ARHGAP45: variants seen among roughly 807,000 people sequenced by gnomAD.
ARHGAP45 encodes the protein rho GTPase-activating protein 45.
A neutral mutation model predicts 116.1 loss-of-function variants in ARHGAP45; 56 were observed. The ratio of observed to expected loss-of-function variants is 0.48; its 90% confidence interval spans 0.39 to 0.60. The LOEUF is 0.60. ARHGAP45 is among the 20% of genes least tolerant of loss of function. The pLI is 0.00. For synonymous variants in ARHGAP45, 866 were observed against 701.7 expected, an observed-to-expected ratio of 1.23 and a Z score of -3.70; for missense variants, 1,622 against 1,601.0, an observed-to-expected ratio of 1.01 and a Z score of -0.22.
At chr19:1,081,327 C>T (rs2065896000) in intron 17 of ARHGAP45, 1 of 640,078 alleles carries the variant, frequency 1.6e-6, no homozygotes, top group African/African-American at 1.8e-5. Flanking sequence ...AGGGCAAAGG[C>T]CCTGGAGCTG....
At position 1,086,056 on chromosome 19, in the gene ARHGAP45, T is replaced by G. The variant is rs1398881621; in HGVS notation, c.*50T>G. The G allele has an allele frequency of 3.3e-6, 5 of 1,497,766 alleles. No homozygotes were observed. The Admixed American group carries it at 6.9e-5, about 21-fold the overall frequency. The allele number at this position is 1,497,766 out of a possible 1,614,324, so 92.8% of individuals were successfully genotyped here. A position where few individuals can be genotyped will look rare whatever the true frequency, so the allele number is the denominator to read the frequency against. ...GTGGCTTCTCTCTTGCCTGCTCCTG[T>G]CCCTCCAGCACGTCCCCTGCACCAC... On this transcript the variant is annotated 3_prime_UTR_variant, in exon 23 of 23. Coordinates refer to ENST00000313093, the MANE Select transcript of ARHGAP45 (RefSeq NM_012292.5).
At chr19:1,074,546 G>GGT in intron 8 of ARHGAP45, 68 bp from the exon 9 acceptor site, 2 of 1,440,094 alleles carry the variant, frequency 1.4e-6, no homozygotes, top group Admixed American at 2.2e-5. Flanking sequence ...GGGAGCTGGT[G>GGT]GCTGGGGGTG....
intron 3 of ARHGAP45, 102 bp downstream of exon 3, chr19:1,073,394 C>A: frequency 6.4e-7 from 1 of 1,562,354 alleles, no homozygotes; most frequent in Non-Finnish European, 8.7e-7. Context: ...AGGAGTTTGA[C>A]AGGCACAAGC....
Position 1,074,649 on chromosome 19 carries a change from C to T in ARHGAP45, c.1029C>T (p.Ala343=). ...CGCTCCTGTCCATCTACTCGCTGGC[C>T]CTGGAGCAGGACCTGGAGTTCGGCC... ...HMPLLSIYSL[A]LEQDLEFGHS... Residue 343 remains alanine, a synonymous_variant, in exon 9 of 23, where the codon GCC becomes GCT. Transcript: ENST00000313093. The T allele has an allele frequency of 1.2e-6, 2 of 1,609,108 alleles. No individual in the cohort carries two copies. The highest frequency in any genetic ancestry group is 2.2e-5 in the East Asian group (1 of 44,750).
chr19:1,070,701 T>C (rs909381366), intron 2 of ARHGAP45, among the ~76,000 whole-genome samples: 1 of 151,662 alleles, frequency 6.6e-6, no homozygotes, highest in African/African-American at 2.4e-5. Context: ...CAGGCTGGTC[T>C]AGAACTCCCG....
Position 1,074,253 on chromosome 19 carries a change from T to G in ARHGAP45, c.928+12T>G, listed in dbSNP as rs11084881. On this transcript the variant is annotated intron_variant, in intron 7 of 22. Transcript: ENST00000313093. ...GCGGACGACGCTGGGTGAGAGCTGG[T>G]GTCCCAGCAGGGTGGGTCTGGAGGG... The G allele has an allele frequency of 0.77, 1,242,421 of 1,612,376 alleles. 481,006 individuals carry two copies. Among genetic ancestry groups the G allele is most frequent in the African/African-American group, 0.91 (68,651 of 75,032 alleles).
chr19:1,086,097 C>G lies in ARHGAP45; in HGVS notation c.*91C>G. 8.1e-7 allele frequency: 1 copy of G among 1,229,292 alleles called. No individual in the cohort carries two copies. The highest frequency in any genetic ancestry group is 1.1e-6 in the Non-Finnish European group (1 of 872,216). The allele number at this position is 1,229,292 out of a possible 1,614,324, so 76.1% of individuals were successfully genotyped here. A position where few individuals can be genotyped will look rare whatever the true frequency, so the allele number is the denominator to read the frequency against. On this transcript the variant is annotated 3_prime_UTR_variant, in exon 23 of 23. Coordinates refer to ENST00000313093, the MANE Select transcript of ARHGAP45 (RefSeq NM_012292.5). ...CCTGCACCACGGCATAGCTTAGGTG[C>G]GCCGTCCTGGGGTCGCTGCCGAGAG...
chr19:1,074,699 C>T lies in ARHGAP45; in HGVS notation c.1079C>T (p.Thr360Ile), dbSNP rs766911627. The change falls in exon 9 of 23, where the codon ACC (threonine) becomes ATC (isoleucine). Residue 360 changes from threonine (T) to isoleucine (I), a missense_variant. This residue lies in a region of ARHGAP45 where 1,334 missense variants were observed against 1,263.8 expected (regional missense o/e 1.06). Transcript: ENST00000313093. ...CACAGCATGGTGCAGGCGGTGGGCACCTTGCAGACCCAGACCTTCATGCAG... is the reference window on the plus strand; with the variant it reads ...CACAGCATGGTGCAGGCGGTGGGCATCTTGCAGACCCAGACCTTCATGCAG... ...FGHSMVQAVG[T>I]LQTQTFMQPL... 1.1e-5 allele frequency: 17 copies of T among 1,610,022 alleles called. No individual in the cohort carries two copies. Among genetic ancestry groups the T allele is most frequent in the African/African-American group, 1.3e-5 (1 of 74,862 alleles).
chr19:1,072,100 T>C (rs770585996), intron 2 of ARHGAP45, among the ~76,000 whole-genome samples: 3 of 152,122 alleles, frequency 2.0e-5, no homozygotes, highest in African/African-American at 7.2e-5. Context: ...TCTCACTCTG[T>C]CACCCAGCTG....
chr19:1,079,905 C>T (rs769598707), intron 12 of ARHGAP45, 23 bp from the exon 13 acceptor site: 1 of 1,600,204 alleles, frequency 6.2e-7, no homozygotes, highest in East Asian at 2.2e-5. Context: ...CCTGACCCCT[C>T]CGCTCTCCGG....
upstream of ARHGAP45, chr19:1,066,125 C>T (rs1389973915): frequency 2.6e-6 from 4 of 1,535,554 alleles, no homozygotes; most frequent in African/African-American, 4.1e-5. Context: ...CTGTGGCCTT[C>T]ATGTCCTGTG....
intron 5 of ARHGAP45, 35 bp from the exon 6 acceptor site, chr19:1,073,913 A>C (rs754085488): frequency 1.3e-6 from 2 of 1,533,270 alleles, no homozygotes; most frequent in African/African-American, 2.8e-5. Context: ...AGGGCCCCGC[A>C]TGGGGCTGGT....
chr19:1,085,867 A>T lies in ARHGAP45; in HGVS notation c.3272A>T (p.Asp1091Val), dbSNP rs746203295. 3.1e-6 allele frequency: 5 copies of T among 1,612,746 alleles called. No individual in the cohort carries two copies. The African/African-American group carries it at 6.7e-5, about 22-fold the overall frequency. Residue 1091 changes from aspartate (D) to valine (V), a missense_variant, in exon 23 of 23, where the codon GAC becomes GTC. Asp to Val is a radical substitution (Grantham distance 152). Transcript: ENST00000313093. ...CGGGAGGACGGGGACGGGGACGAGG[A>T]CGGCCCGGCCCAGCAGCTCTCAGGA... is the stretch of plus-strand genomic sequence containing the variant. Reference protein sequence around the residue: ...TAREDGDGDEDGPAQQLSGFN... With the variant: ...TAREDGDGDEVGPAQQLSGFN...
At chr19:1,078,398 C>T (rs765943373) in intron 11 of ARHGAP45, among the ~76,000 whole-genome samples, 57 of 151,800 alleles carry the variant, frequency 3.8e-4, no homozygotes, top group South Asian at 6.3e-4. Context: ...CCACCTCGGC[C>T]TCCCAAAGTG....
rs2043614569 is a variant in ARHGAP45, at chr19:1,085,817, T to G, written c.3222T>G (p.Ser1074Arg). The part of the protein sequence containing the change: ...LEVASGSHSG[S>R]EEQLEATARE... ...TGGCTTCTGGCAGCCACAGCGGCAG[T>G]GAGGAGCAGCTGGAGGCCACAGCCC... The change falls in exon 23 of 23, where the codon AGT becomes AGG. Residue 1074 changes from serine (S) to arginine (R), a missense_variant. Ser to Arg is a moderately radical substitution (Grantham distance 110). Transcript: ENST00000313093. The G allele has an allele frequency of 6.2e-6, 10 of 1,612,608 alleles. No individual in the cohort carries two copies. The highest frequency in any genetic ancestry group is 7.6e-6 in the Non-Finnish European group (9 of 1,179,862).
chr19:1,080,468 G>T lies in ARHGAP45; in HGVS notation c.1833G>T (p.Gly611=), dbSNP rs2043399217. The T allele has an allele frequency of 6.2e-7, 1 of 1,612,700 alleles. No individual in the cohort carries two copies. Among genetic ancestry groups the T allele is most frequent in the African/African-American group, 1.3e-5 (1 of 74,914 alleles). The part of the protein sequence containing the change: ...EGTPAKDHRA[G]RGHQVHKSWP... ...CAGAGACGCCTCTTTCTCCAGCCGGGCGAGGACACCAGGTTCACAAGTCAT... is the reference window on the plus strand; with the variant it reads ...CAGAGACGCCTCTTTCTCCAGCCGGTCGAGGACACCAGGTTCACAAGTCAT... Residue 611 remains glycine (G), a synonymous_variant, in exon 15 of 23, where the codon GGG becomes GGT. Transcript: ENST00000313093.
At position 1,083,135 on chromosome 19, in the gene ARHGAP45, C is replaced by A; in HGVS notation, c.2745-8C>A. 6.2e-7 allele frequency: 1 copy of A among 1,602,220 alleles called. No homozygotes were observed. Among genetic ancestry groups the A allele is most frequent in the Non-Finnish European group, 8.5e-7 (1 of 1,176,884 alleles). Reference sequence around the variant, plus strand: ...CCGCTCAGCACCTGGCCCCTGCCCACCCCGCAGGATCGTGGAGGTGGAGCA... The same window carrying A: ...CCGCTCAGCACCTGGCCCCTGCCCAACCCGCAGGATCGTGGAGGTGGAGCA... On this transcript the variant is annotated splice_region_variant and splice_polypyrimidine_tract_variant and intron_variant, in intron 20 of 22. Coordinates refer to ENST00000313093, the MANE Select transcript of ARHGAP45 (RefSeq NM_012292.5).
Position 1,069,882 on chromosome 19 carries a change from T to C in ARHGAP45, c.421+1138T>C, listed in dbSNP as rs988055837. On this transcript the variant is annotated intron_variant, in intron 2 of 22. Transcript: ENST00000313093. This position sits in a 1 kb window ranked among gnomAD's most constrained non-coding sequence, Gnocchi z 4.1. ...CCCAGGCTGGAGTCCAGTGGTGTGA[T>C]TGAGGCTCACTGTTACCTTGAACTC... Among the ~76,000 whole-genome samples, 1 of 151,318 alleles carries C rather than the reference T, an allele frequency of 6.6e-6. No homozygotes were observed. The highest frequency in any genetic ancestry group is 2.4e-5 in the African/African-American group (1 of 41,198).
intron 21 of ARHGAP45, among the ~76,000 whole-genome samples, chr19:1,083,554 T>C (rs545720154): frequency 6.6e-6 from 1 of 152,234 alleles, no homozygotes; most frequent in African/African-American, 2.4e-5. Context: ...CTGGCAGAGG[T>C]GCAAAGGCTC....
Sources: allele counts gnomAD v4.1 joint callset (sites outside exome capture counted in the v4.1 genomes callset), GRCh38; gene constraint gnomAD v4.1.1; regional missense constraint gnomAD v4.1.1; non-coding constraint Gnocchi (gnomAD v3.1); transcripts MANE v1.5; gene names NCBI Gene and HGNC (gene_info 2026-07-23, HGNC 2026-07-21).